BCKDHB: variants seen among roughly 807,000 people sequenced by gnomAD.
BCKDHB encodes the protein branched chain keto acid dehydrogenase E1 subunit beta, also known as 2-oxoisovalerate dehydrogenase subunit beta, mitochondrial.
In BCKDHB, 41 loss-of-function variants were observed where a neutral mutation model predicts 48.5. The observed-to-expected ratio is 0.85, with a 90% CI of 0.66 to 1.10. The LOEUF is 1.10. Ranked by LOEUF, BCKDHB falls within the 50% of genes least tolerant of loss-of-function variation. BCKDHB has a pLI of 0.00. For synonymous variants in BCKDHB, 201 were observed against 174.8 expected, an observed-to-expected ratio of 1.15 and a Z score of -1.18; for missense variants, 496 against 494.2, an observed-to-expected ratio of 1.00 and a Z score of -0.03.
At chr6:80,465,200 T>TG in the BCKDHB span, among the ~76,000 whole-genome samples, 1 of 152,066 alleles carries the variant, frequency 6.6e-6, no homozygotes, top group African/African-American at 2.4e-5. Context: ...GGGCTTAAAG[T>TG]GGTTAGTTTT....
chr6:80,262,392 A>G (rs1777344317), intron 8 of BCKDHB, among the ~76,000 whole-genome samples: 1 of 152,138 alleles, frequency 6.6e-6, no homozygotes, highest in Non-Finnish European at 1.5e-5. Flanking sequence ...ACATATGACT[A>G]TTTTAAACCA....
chr6:80,148,539 C>T (rs1337738081), intron 3 of BCKDHB, among the ~76,000 whole-genome samples: 1 of 152,068 alleles, frequency 6.6e-6, no homozygotes, highest in Non-Finnish European at 1.5e-5. Context: ...GCTCCCAGTA[C>T]TTTTGATCTG....
the BCKDHB span, among the ~76,000 whole-genome samples, chr6:80,353,584 G>A: frequency 6.6e-6 from 1 of 152,164 alleles, no homozygotes; most frequent in South Asian, 2.1e-4. Context: ...GCCAGGCACA[G>A]TGGCTCACGC....
chr6:80,461,010 G>A, the BCKDHB span, among the ~76,000 whole-genome samples: 1 of 152,070 alleles, frequency 6.6e-6, no homozygotes, highest in South Asian at 2.1e-4. Context: ...AGATTTTGTC[G>A]TGATCTTGTT....
the BCKDHB span, among the ~76,000 whole-genome samples, chr6:80,452,770 G>A: frequency 1.3e-5 from 2 of 152,184 alleles, no homozygotes; most frequent in Non-Finnish European, 2.9e-5. Flanking sequence ...AGGAGGAAGA[G>A]TCAACAGCAA....
At position 80,273,161 on chromosome 6, in the gene BCKDHB, A is replaced by T. The variant is rs533298369; in HGVS notation, c.978A>T (p.Leu326=). 2 of 1,613,496 alleles carry T rather than the reference A, an allele frequency of 1.2e-6. No homozygotes were observed. The highest frequency in any genetic ancestry group is 1.3e-5 in the African/African-American group (1 of 75,006). ...CTGTGATCAAAACAGGGCGACTGCTAATCAGTCACGAGGCTCCCTTGACAG... is the reference window on the plus strand; with the variant it reads ...CTGTGATCAAAACAGGGCGACTGCTTATCAGTCACGAGGCTCCCTTGACAG... ...CKSVIKTGRL[L]ISHEAPLTGG... Residue 326 remains leucine (L), a synonymous_variant, in exon 9 of 10, where the codon CTA becomes CTT. Transcript: ENST00000320393.
the BCKDHB span, among the ~76,000 whole-genome samples, chr6:80,456,546 C>T: frequency 7.2e-5 from 11 of 152,272 alleles, no homozygotes; most frequent in East Asian, 2.1e-3. Flanking sequence ...GCTTCTCCAT[C>T]ACTTACCAGA....
chr6:80,398,154 A>G, the BCKDHB span, among the ~76,000 whole-genome samples: 2 of 147,938 alleles, frequency 1.4e-5, no homozygotes, highest in African/African-American at 5.3e-5. Flanking sequence ...ACAATCTAAC[A>G]TCACAACTAA....
At position 80,322,352 on chromosome 6, in the gene BCKDHB, C is replaced by T. The variant is rs978561521; in HGVS notation, c.1039-21312C>T. Among the ~76,000 whole-genome samples, 19 of 151,152 alleles carry T rather than the reference C, an allele frequency of 1.3e-4. No homozygotes were observed. The East Asian group carries it at 2.9e-3, about 23-fold the overall frequency. ...CTCCCAGGTTCAAGTGATTCTCCTGCCTCAGCCTCCCGAGTAGCTGGGATT... is the reference window on the plus strand; with the variant it reads ...CTCCCAGGTTCAAGTGATTCTCCTGTCTCAGCCTCCCGAGTAGCTGGGATT... On this transcript the variant is annotated intron_variant, in intron 9 of 9. Coordinates refer to ENST00000320393, the MANE Select transcript of BCKDHB (RefSeq NM_183050.4).
the BCKDHB span, among the ~76,000 whole-genome samples, chr6:80,384,979 C>G: frequency 6.6e-6 from 1 of 152,146 alleles, no homozygotes; most frequent in Non-Finnish European, 1.5e-5. Flanking sequence ...TTGCTGTGAA[C>G]AAGGAACTGA....
chr6:80,311,332 T>C (rs1279774031), intron 9 of BCKDHB, among the ~76,000 whole-genome samples: 1 of 152,188 alleles, frequency 6.6e-6, no homozygotes, highest in Non-Finnish European at 1.5e-5. Context: ...TTATGAGCAA[T>C]GGGAAAACGG....
intron 9 of BCKDHB, among the ~76,000 whole-genome samples, chr6:80,300,053 CTT>C (rs879942206): frequency 2.4e-4 from 34 of 143,470 alleles, no homozygotes; most frequent in South Asian, 2.2e-4. Context: ...AGCCACTAGT[CTT>C]TTTTTTTTTT....
chr6:80,338,494 T>C (rs1039257220), intron 9 of BCKDHB, among the ~76,000 whole-genome samples: 1 of 152,190 alleles, frequency 6.6e-6, no homozygotes, highest in Non-Finnish European at 1.5e-5. Flanking sequence ...TAAGGCTTTC[T>C]GGCAGTGCTC....
At chr6:80,390,695 T>G in the BCKDHB span, among the ~76,000 whole-genome samples, 1 of 152,192 alleles carries the variant, frequency 6.6e-6, no homozygotes, top group Non-Finnish European at 1.5e-5. Context: ...ACTATTGTCT[T>G]TCTTTATTTG....
At chr6:80,289,083 T>C (rs1054294512) in intron 9 of BCKDHB, among the ~76,000 whole-genome samples, 33 of 152,316 alleles carry the variant, frequency 2.2e-4, no homozygotes, top group Admixed American at 1.8e-3. Flanking sequence ...TGAGGGATTA[T>C]TGAATGGCCA....
chr6:80,317,989 C>A (rs1768532168), intron 9 of BCKDHB, among the ~76,000 whole-genome samples: 1 of 152,174 alleles, frequency 6.6e-6, no homozygotes, highest in South Asian at 2.1e-4. Flanking sequence ...GGTCCTCAGT[C>A]TGCCAGTGTT....
chr6:80,309,425 G>A (rs1768044146), intron 9 of BCKDHB, among the ~76,000 whole-genome samples: 1 of 151,984 alleles, frequency 6.6e-6, no homozygotes, highest in Non-Finnish European at 1.5e-5. Flanking sequence ...TGCATTCTGT[G>A]TACTTTTTCT....
intron 8 of BCKDHB, among the ~76,000 whole-genome samples, chr6:80,249,313 A>G (rs1776742975): frequency 6.6e-6 from 1 of 152,026 alleles, no homozygotes; most frequent in South Asian, 2.1e-4. Flanking sequence ...ATTAACTTTT[A>G]TGTTCCAGAA....
intron 1 of BCKDHB, among the ~76,000 whole-genome samples, chr6:80,113,951 T>C (rs1189606135): frequency 6.6e-6 from 1 of 152,186 alleles, no homozygotes; most frequent in East Asian, 1.9e-4. Flanking sequence ...AAAGTTATAC[T>C]CCTATGCAAA....
Sources: allele counts gnomAD v4.1 joint callset (sites outside exome capture counted in the v4.1 genomes callset), GRCh38; gene constraint gnomAD v4.1.1; transcripts MANE v1.5; gene names NCBI Gene and HGNC (gene_info 2026-07-23, HGNC 2026-07-21).